The following APBB2 variants were observed in gnomAD, a reference collection of about 807,000 sequenced individuals.
The protein encoded by APBB2 is amyloid beta precursor protein binding family B member 2, also known as Fe65-like 1.
In APBB2, 38 loss-of-function variants were observed where a neutral mutation model predicts 82.5. That is an observed-to-expected ratio of 0.46 (90% CI 0.36 to 0.60). The LOEUF (loss-of-function observed/expected upper bound fraction) is 0.60. Among genes scored for constraint, APBB2 ranks in the 20% least tolerant of loss-of-function variants. The pLI, the probability that APBB2 is intolerant of heterozygous loss-of-function variation, is 0.00. For synonymous variants in APBB2, 341 were observed against 368.2 expected, an observed-to-expected ratio of 0.93 and a Z score of 0.85; for missense variants, 772 against 972.3, an observed-to-expected ratio of 0.79 and a Z score of 2.74.
intron 12 of APBB2, among the ~76,000 whole-genome samples, chr4:40,879,481 G>A (rs1269707801): frequency 6.6e-6 from 1 of 152,042 alleles, no homozygotes; most frequent in African/African-American, 2.4e-5. Flanking sequence ...CCATTTTGGG[G>A]GGCTCTGAAC....
At chr4:41,155,412 G>A (rs1302467987) in intron 1 of APBB2, among the ~76,000 whole-genome samples, 1 of 152,188 alleles carries the variant, frequency 6.6e-6, no homozygotes, top group African/African-American at 2.4e-5. Flanking sequence ...TTCTGGGTCA[G>A]GGCACAAGAT....
rs1253144731 is a variant in APBB2, at chr4:41,095,093, T to C, written c.-149+5546A>G. ...AAGATCACTTATAAATGTGGCAAAA[T>C]GGTTAAGAGCATAAACATGACAGTT... On this transcript the variant is annotated intron_variant, in intron 3 of 17. Coordinates refer to ENST00000508593, the MANE Select transcript of APBB2 (RefSeq NM_004307.2). 3.3e-5 allele frequency among the ~76,000 whole-genome samples: 5 copies of C among 152,208 alleles called. No individual in the cohort carries two copies. The South Asian group carries it at 1.0e-3, about 32-fold the overall frequency.
intron 1 of APBB2, among the ~76,000 whole-genome samples, chr4:41,200,794 C>T (rs1776509581): frequency 6.6e-6 from 1 of 152,016 alleles, no homozygotes. Flanking sequence ...GTCCTTAGAC[C>T]TCTCTATCGT....
intron 5 of APBB2, 52 bp from the exon 6 acceptor site, chr4:41,014,450 T>C (rs1809307689): frequency 4.7e-6 from 7 of 1,488,954 alleles, no homozygotes; most frequent in African/African-American, 1.4e-5. Context: ...CTACTTAGTA[T>C]ACAGTGTGAG....
chr4:40,969,727 T>C (rs976768202), intron 6 of APBB2, among the ~76,000 whole-genome samples: 4 of 152,206 alleles, frequency 2.6e-5, no homozygotes, highest in African/African-American at 9.6e-5. Context: ...TGTATCTCTG[T>C]GAACAAGCTT....
chr4:41,055,248 C>T (rs566350074), intron 4 of APBB2, among the ~76,000 whole-genome samples: 51 of 152,318 alleles, frequency 3.3e-4, no homozygotes, highest in South Asian at 2.1e-4. Flanking sequence ...TCATGTGGGC[C>T]GTGACCAGTA....
intron 1 of APBB2, chr4:41,194,155 A>AAAAAAG: frequency 6.6e-6 from 1 of 152,048 alleles, no homozygotes; most frequent in East Asian, 1.9e-4. Flanking sequence ...TCTACAAAAA[A>AAAAAAG]AAAAAAAATT....
At chr4:41,167,422 C>A (rs528144426) in intron 1 of APBB2, among the ~76,000 whole-genome samples, 10 of 152,314 alleles carry the variant, frequency 6.6e-5, no homozygotes, top group African/African-American at 1.9e-4. Flanking sequence ...CCCACAACAA[C>A]CCCCAAGAGT....
At chr4:40,907,168 G>C (rs996928704) in intron 10 of APBB2, among the ~76,000 whole-genome samples, 1 of 151,420 alleles carries the variant, frequency 6.6e-6, no homozygotes, top group African/African-American at 2.4e-5. Flanking sequence ...TGAGGTACAG[G>C]GTAGTTGTTA....
At chr4:41,158,026 G>A (rs941786846) in intron 1 of APBB2, among the ~76,000 whole-genome samples, 5 of 152,062 alleles carry the variant, frequency 3.3e-5, no homozygotes, top group African/African-American at 7.2e-5. Flanking sequence ...AAAGAGCCAC[G>A]GACTCCAAAG....
intron 1 of APBB2, among the ~76,000 whole-genome samples, chr4:41,195,710 C>G: frequency 6.6e-6 from 1 of 152,090 alleles, no homozygotes; most frequent in African/African-American, 2.4e-5. Flanking sequence ...CACCTTCAGC[C>G]CTACCCTTAG....
Position 40,821,857 on chromosome 4 carries a change from C to G in APBB2, c.2112+14G>C. The G allele has an allele frequency of 1.2e-6, 2 of 1,611,186 alleles. No homozygotes were observed. Among genetic ancestry groups the G allele is most frequent in the Non-Finnish European group, 1.7e-6 (2 of 1,179,274 alleles). ...AGGCGGGAGGGCTCAACAGCCTGTA[C>G]CGGGATAACTCACCATGCAGGCGGC... On this transcript the variant is annotated intron_variant, in intron 17 of 17. Transcript: ENST00000508593.
intron 1 of APBB2, 150 bp downstream of exon 1, chr4:41,214,255 G>GCGGAGCCC (rs1780091093): frequency 6.6e-6 from 1 of 152,244 alleles, no homozygotes; most frequent in African/African-American, 2.4e-5. Flanking sequence ...AGCAGTGGCC[G>GCGGAGCCC]CGGAGCCCCG....
At chr4:41,133,308 C>T (rs548646318) in intron 2 of APBB2, among the ~76,000 whole-genome samples, 6 of 152,260 alleles carry the variant, frequency 3.9e-5, no homozygotes, top group African/African-American at 1.4e-4. Context: ...TGAAATACAT[C>T]ACCAAATTGC....
At chr4:41,151,676 C>G (rs1762313314) in intron 1 of APBB2, among the ~76,000 whole-genome samples, 1 of 152,020 alleles carries the variant, frequency 6.6e-6, no homozygotes, top group Admixed American at 6.6e-5. Flanking sequence ...AGATATTTTT[C>G]CACTAATTTC....
intron 6 of APBB2, among the ~76,000 whole-genome samples, chr4:40,952,246 A>G (rs1417580938): frequency 2.0e-5 from 3 of 151,422 alleles, no homozygotes; most frequent in Non-Finnish European, 4.4e-5. Flanking sequence ...ATAGGAGAAG[A>G]AGGTCAGTTA....
chr4:40,886,306 C>T (rs1318838884), intron 12 of APBB2, among the ~76,000 whole-genome samples: 1 of 152,178 alleles, frequency 6.6e-6, no homozygotes, highest in African/African-American at 2.4e-5. Context: ...TGGTGAAACC[C>T]TGTCTCTACT....
At chr4:40,944,561 G>A (rs1006366689) in intron 7 of APBB2, among the ~76,000 whole-genome samples, 15 of 152,142 alleles carry the variant, frequency 9.9e-5, no homozygotes, top group African/African-American at 3.1e-4. Flanking sequence ...TACCTGCAGA[G>A]TAAAGTACTG....
chr4:40,977,137 C>T (rs1003394068), intron 6 of APBB2, among the ~76,000 whole-genome samples: 1 of 152,144 alleles, frequency 6.6e-6, no homozygotes, highest in Non-Finnish European at 1.5e-5. Context: ...TCACATACCT[C>T]ACAGAAGAAA....
Sources: allele counts gnomAD v4.1 joint callset (sites outside exome capture counted in the v4.1 genomes callset), GRCh38; gene constraint gnomAD v4.1.1; transcripts MANE v1.5; gene names NCBI Gene and HGNC (gene_info 2026-07-23, HGNC 2026-07-21).